NECAB2: variants seen among roughly 807,000 people sequenced by gnomAD.
NECAB2 encodes the protein N-terminal EF-hand calcium-binding protein 2.
Under a neutral mutation model 51.9 loss-of-function variants are expected in NECAB2, and 68 were observed. The observed-to-expected ratio is 1.31, with a 90% CI of 1.08 to 1.60. The LOEUF is 1.60. Ranked by LOEUF, NECAB2 falls within the 40% of genes most tolerant of loss-of-function variation. The pLI is 0.00. For synonymous variants in NECAB2, 329 were observed against 203.5 expected, an observed-to-expected ratio of 1.62 and a Z score of -5.25; for missense variants, 854 against 490.3, an observed-to-expected ratio of 1.74 and a Z score of -7.00.
chr16:83,994,215 G>A (rs567683258), intron 6 of NECAB2, 87 bp from the exon 7 acceptor site: 257 of 1,207,092 alleles, frequency 2.1e-4, no homozygotes, highest in African/African-American at 1.0e-3. Flanking sequence ...ACTGTCTTGC[G>A]TAATAAATGC....
chr16:84,001,251 G>A (rs1332995310), intron 11 of NECAB2, among the ~76,000 whole-genome samples: 4 of 144,652 alleles, frequency 2.8e-5, no homozygotes, highest in South Asian at 4.2e-4. Context: ...ATGGGCCTTA[G>A]GCCTTTGTCC....
intron 2 of NECAB2, among the ~76,000 whole-genome samples, chr16:83,976,389 C>T (rs2084410894): frequency 6.6e-6 from 1 of 152,210 alleles, no homozygotes; most frequent in Admixed American, 6.5e-5. Flanking sequence ...GGTAGTACTA[C>T]CTGTGTCGTG....
At chr16:83,995,348 G>A (rs77097958) in intron 8 of NECAB2, among the ~76,000 whole-genome samples, 3 of 152,032 alleles carry the variant, frequency 2.0e-5, no homozygotes, top group African/African-American at 7.3e-5. Context: ...CCTGGGCCAG[G>A]GACTTGTCCT....
intron 3 of NECAB2, among the ~76,000 whole-genome samples, chr16:83,979,471 G>C (rs1567666850): frequency 6.6e-6 from 1 of 152,288 alleles, no homozygotes; most frequent in South Asian, 2.1e-4. Context: ...ACCGGGATAT[G>C]GTAAGTGGAG....
intron 6 of NECAB2, 30 bp from the exon 7 acceptor site, chr16:83,994,272 G>A (rs760972792): frequency 6.2e-7 from 1 of 1,606,750 alleles, no homozygotes; most frequent in South Asian, 1.1e-5. Context: ...CCACCGCCAT[G>A]GTCTGTGTGT....
chr16:83,994,088 A>T (rs560005021), intron 6 of NECAB2, among the ~76,000 whole-genome samples: 1 of 152,150 alleles, frequency 6.6e-6, no homozygotes, highest in East Asian at 1.9e-4. Context: ...CTGAATTCGA[A>T]TCCCAGCTCT....
intron 2 of NECAB2, among the ~76,000 whole-genome samples, chr16:83,973,055 A>G (rs1162692210): frequency 6.6e-6 from 1 of 152,194 alleles, no homozygotes; most frequent in Admixed American, 6.5e-5. Flanking sequence ...GAAAAGCCAG[A>G]GAGGCGGTGT....
chr16:84,001,490 AAAGCCTTCGCAGCTTCTGTGTTGTCAT>A (rs1321878806), intron 11 of NECAB2, among the ~76,000 whole-genome samples: 1 of 152,112 alleles, frequency 6.6e-6, no homozygotes, highest in African/African-American at 2.4e-5. Flanking sequence ...CGAGGGACTA[AAAGCCTTCGCAGCTTCTGTGTTGTCAT>A]GGGTCCCAGG....
In NECAB2 at chr16:83,997,194, A is replaced by T. The variant is rs752985767; in HGVS notation, c.796-22A>T. On this transcript the variant is annotated intron_variant, in intron 8 of 12. Transcript: ENST00000305202. ...GGAGTGGGGCTCTGGGTCTAGCATC[A>T]CTGTGTGCTGGATTGTTTCAGGCAC... 17 of 1,613,936 alleles carry T rather than the reference A, an allele frequency of 1.1e-5. No individual in the cohort carries two copies. In the South Asian group the frequency reaches 1.9e-4, roughly 18 times the overall value.
intron 11 of NECAB2, among the ~76,000 whole-genome samples, 197 bp from the exon 12 acceptor site, chr16:84,001,628 A>G (rs1401358747): frequency 6.6e-6 from 1 of 152,054 alleles, no homozygotes. Flanking sequence ...TCACAGGGAA[A>G]AAGAGAAGCT....
At chr16:83,977,305 G>T (rs762107248) in intron 2 of NECAB2, among the ~76,000 whole-genome samples, 4 of 152,128 alleles carry the variant, frequency 2.6e-5, no homozygotes, top group Non-Finnish European at 4.4e-5. Flanking sequence ...CTTGAGGAGG[G>T]GGGAGGTGGC....
At chr16:83,987,219 C>G (rs1348202584) in intron 5 of NECAB2, among the ~76,000 whole-genome samples, 2 of 152,116 alleles carry the variant, frequency 1.3e-5, no homozygotes, top group Non-Finnish European at 1.5e-5. Context: ...GTCATTTTTG[C>G]CCATTTCAGA....
In NECAB2 at chr16:84,002,390, C is replaced by CTTGT; in HGVS notation, c.*45_*48dup. The CTTGT allele has an allele frequency of 6.3e-7, 1 of 1,593,648 alleles. No homozygotes were observed. The highest frequency in any genetic ancestry group is 2.2e-5 in the East Asian group (1 of 44,684). On this transcript the variant is annotated 3_prime_UTR_variant, in exon 13 of 13. Transcript: ENST00000305202. ...TGGAGGAGCCCACCAGCCCCTTCTTCTTGTGAAGGAAATCCCGTTTTTTTC... is the reference window on the plus strand; with the variant it reads ...TGGAGGAGCCCACCAGCCCCTTCTTCTTGTTTGTGAAGGAAATCCCGTTTTTTTC...
chr16:83,970,138 C>T (rs542247110), intron 1 of NECAB2, among the ~76,000 whole-genome samples: 1 of 152,194 alleles, frequency 6.6e-6, no homozygotes, highest in African/African-American at 2.4e-5. Flanking sequence ...TGCATGGAAG[C>T]CCTGCCCAGT....
intron 10 of NECAB2, among the ~76,000 whole-genome samples, chr16:83,999,110 G>A (rs1301085446): frequency 1.3e-5 from 2 of 152,200 alleles, no homozygotes; most frequent in African/African-American, 4.8e-5. Context: ...CTAGCACAGG[G>A]TCTTTGAGAG....
intron 5 of NECAB2, among the ~76,000 whole-genome samples, chr16:83,988,476 A>G (rs898917272): frequency 4.6e-5 from 7 of 152,144 alleles, no homozygotes; most frequent in African/African-American, 7.2e-5. Flanking sequence ...TTTTTCCCCT[A>G]TGCTTTATTG....
At position 83,985,541 on chromosome 16, in the gene NECAB2, G is replaced by GA. The variant is rs1227306746; in HGVS notation, c.459+4415dup. Among the ~76,000 whole-genome samples, 5 of 151,198 alleles carry GA rather than the reference G, an allele frequency of 3.3e-5. No individual in the cohort carries two copies. In the East Asian group the frequency reaches 9.7e-4, roughly 29 times the overall value. ...CCAGCTACTTGGGAGAGTGAGGCAG[G>GA]AGAATGACTTGAACCCGGGAGGTGG... On this transcript the variant is annotated intron_variant, in intron 5 of 12. Transcript: ENST00000305202.
At chr16:83,990,744 A>G (rs2084613327) in intron 6 of NECAB2, 114 bp downstream of exon 6, 5 of 1,382,192 alleles carry the variant, frequency 3.6e-6, no homozygotes, top group Admixed American at 2.3e-5. Context: ...ACCTTGGGCA[A>G]GTTGCCACAG....
At chr16:83,966,014 G>GCCAGACCCGCTGGCTC, upstream of NECAB2, 1 of 1,527,512 alleles carries the variant, frequency 6.5e-7, no homozygotes, top group East Asian at 2.4e-5. Context: ...CTAACACTCG[G>GCCAGACCCGCTGGCTC]CCAGACCCGC....
Sources: gnomAD v4.1 joint callset for allele counts (sites outside exome capture counted in the v4.1 genomes callset) on GRCh38, gnomAD v4.1.1 for gene constraint, MANE v1.5 for transcripts, NCBI Gene and HGNC (gene_info 2026-07-23, HGNC 2026-07-21) for gene names.